Variants in SMURF1 observed in about 807,000 individuals in gnomAD.
The protein encoded by SMURF1 is SMAD specific E3 ubiquitin protein ligase 1, also known as E3 ubiquitin-protein ligase SMURF1.
A neutral mutation model predicts 98.0 loss-of-function variants in SMURF1; 44 were observed. The ratio of observed to expected loss-of-function variants is 0.45; its 90% CI spans 0.35 to 0.58. The LOEUF (loss-of-function observed/expected upper bound fraction) is 0.58. Ranked by LOEUF, SMURF1 falls within the 20% of genes least tolerant of loss-of-function variation. SMURF1 has a pLI of 0.00. For missense variants in SMURF1, 687 were observed against 938.4 expected, an observed-to-expected ratio of 0.73 and a Z score of 3.50; for synonymous variants, 396 against 374.9, an observed-to-expected ratio of 1.06 and a Z score of -0.65.
At chr7:99,136,006 A>C (rs1479335239) in intron 1 of SMURF1, among the ~76,000 whole-genome samples, 1 of 152,234 alleles carries the variant, frequency 6.6e-6, no homozygotes, top group African/African-American at 2.4e-5. Context: ...CTGATTATCA[A>C]TTAAAAATAA....
intron 1 of SMURF1, among the ~76,000 whole-genome samples, chr7:99,136,302 G>C (rs368119384): frequency 2.6e-5 from 4 of 152,150 alleles, no homozygotes; most frequent in Admixed American, 1.3e-4. Flanking sequence ...TTGCCTATTA[G>C]GTACTGGCCT....
intron 15 of SMURF1, 106 bp downstream of exon 15, chr7:99,036,961 G>T (rs1275196007): frequency 4.5e-6 from 7 of 1,552,880 alleles, no homozygotes; most frequent in African/African-American, 1.4e-5. Flanking sequence ...GCAGCTCCTA[G>T]GCTTACTAGA....
At chr7:99,035,312 G>T in intron 16 of SMURF1, 1 of 636,070 alleles carries the variant, frequency 1.6e-6, no homozygotes, top group Non-Finnish European at 2.7e-6. Flanking sequence ...CACAGTCTTT[G>T]CTCAGCGGGG....
chr7:99,055,944 C>T (rs1584464363), intron 5 of SMURF1, among the ~76,000 whole-genome samples: 1 of 151,838 alleles, frequency 6.6e-6, no homozygotes, highest in South Asian at 2.1e-4. Context: ...CCAGCCTGGG[C>T]GACAGAGCAA....
At chr7:99,048,250 G>A (rs1795645989) in intron 9 of SMURF1, 1 of 231,816 alleles carries the variant, frequency 4.3e-6, no homozygotes, top group Non-Finnish European at 8.7e-6. Flanking sequence ...TTAGCCAGGT[G>A]TGGTGGTGGG....
At chr7:99,141,766 T>C (rs1798122341) in intron 1 of SMURF1, among the ~76,000 whole-genome samples, 1 of 152,206 alleles carries the variant, frequency 6.6e-6, no homozygotes, top group Admixed American at 6.5e-5. Flanking sequence ...ATTGTTTGCA[T>C]GGATTTTACC....
intron 1 of SMURF1, among the ~76,000 whole-genome samples, chr7:99,127,342 G>C (rs984285922): frequency 2.0e-5 from 3 of 152,010 alleles, no homozygotes; most frequent in Non-Finnish European, 4.4e-5. Context: ...GGGAGGGAGT[G>C]AGAAAAGGAA....
At chr7:99,092,894 G>C (rs571165001) in intron 1 of SMURF1, among the ~76,000 whole-genome samples, 2 of 152,176 alleles carry the variant, frequency 1.3e-5, no homozygotes, top group African/African-American at 4.8e-5. Flanking sequence ...CTCTGGGAAC[G>C]ATGGTTCAGG....
intron 3 of SMURF1, among the ~76,000 whole-genome samples, chr7:99,058,755 T>C (rs1795947479): frequency 6.6e-6 from 1 of 152,150 alleles, no homozygotes; most frequent in Non-Finnish European, 1.5e-5. Flanking sequence ...TTGATGAAAA[T>C]ATCTTAGTAG....
intron 1 of SMURF1, among the ~76,000 whole-genome samples, chr7:99,072,460 G>A (rs1584146106): frequency 6.6e-6 from 1 of 151,942 alleles, no homozygotes; most frequent in Non-Finnish European, 1.5e-5. Flanking sequence ...CCTGACCAAC[G>A]CAGTGAAACC....
At chr7:99,033,230 C>T in intron 16 of SMURF1, 109 bp from the exon 17 acceptor site, 1 of 1,087,250 alleles carries the variant, frequency 9.2e-7, no homozygotes, top group South Asian at 1.4e-5. Context: ...CCCCCACACC[C>T]AGGCAGGCTG....
intron 1 of SMURF1, among the ~76,000 whole-genome samples, chr7:99,082,320 CTTTG>C (rs1259889656): frequency 1.3e-5 from 2 of 152,254 alleles, no homozygotes; most frequent in South Asian, 2.1e-4. Flanking sequence ...GTTGCCTGTG[CTTTG>C]TTTGTCATAT....
At chr7:99,076,884 T>C (rs574961587) in intron 1 of SMURF1, among the ~76,000 whole-genome samples, 7 of 152,206 alleles carry the variant, frequency 4.6e-5, no homozygotes, top group Non-Finnish European at 1.0e-4. Context: ...TGCATGTGTG[T>C]GCACGTGTGT....
rs368273999 is a variant in SMURF1 at position 99,051,406 on chromosome 7, A to T, written c.757T>A (p.Leu253Met). The stretch of plus-strand genomic sequence containing the variant: ...GTGCTAACTCCAGTCTGTGTATGCA[A>T]AAAGTAAACTTGGCCCTGGACTGTT... ...RTTVQGQVYF[L>M]HTQTGVSTWH... Residue 253 changes from leucine to methionine, a missense_variant, in exon 8 of 18, where the codon TTG becomes ATG. Leu to Met is a conservative substitution (Grantham distance 15). Transcript: ENST00000361368. 1.2e-6 allele frequency: 2 copies of T among 1,614,190 alleles called. No individual in the cohort carries two copies. The highest frequency in any genetic ancestry group is 4.5e-5 in the East Asian group (2 of 44,876).
intron 16 of SMURF1, 42 bp from the exon 17 acceptor site, chr7:99,033,163 G>A: frequency 6.5e-7 from 1 of 1,543,794 alleles, no homozygotes. Flanking sequence ...CAGAGTTACA[G>A]CCGTGGCGCT....
chr7:99,036,715 A>C (rs1795160050), intron 15 of SMURF1, among the ~76,000 whole-genome samples: 1 of 152,152 alleles, frequency 6.6e-6, no homozygotes. Context: ...AGCCAGAATA[A>C]AAAGCAGTAA....
Position 99,057,602 on chromosome 7 carries a change from T to G in SMURF1, c.204-51A>C, listed in dbSNP as rs755233545. The G allele has an allele frequency of 7.1e-4, 952 of 1,348,302 alleles. 6 individuals are homozygous for G. The African/African-American group carries it at 0.024, about 34-fold the overall frequency. 83.5% of individuals were successfully genotyped at this position (1,348,302 alleles called of 1,614,324 possible). ...TTTAATTGTGTTTGGTTTTTTTTGT[T>G]TTGTTTTTTTTTTTTTTTGAGATAG... On this transcript the variant is annotated intron_variant, in intron 3 of 17. Coordinates refer to ENST00000361368, the MANE Select transcript of SMURF1 (RefSeq NM_181349.3).
chr7:99,032,570 G>A (rs892789292), intron 17 of SMURF1, among the ~76,000 whole-genome samples: 1 of 152,224 alleles, frequency 6.6e-6, no homozygotes, highest in Non-Finnish European at 1.5e-5. Flanking sequence ...TCAGGAGGCT[G>A]AGGCATGAGA....
chr7:99,091,910 C>T (rs1796822379), intron 1 of SMURF1, among the ~76,000 whole-genome samples: 1 of 152,078 alleles, frequency 6.6e-6, no homozygotes, highest in African/African-American at 2.4e-5. Flanking sequence ...GACCTGAAGC[C>T]AGACATAATC....
Sources: gnomAD v4.1 joint callset for allele counts (sites outside exome capture counted in the v4.1 genomes callset) on GRCh38, gnomAD v4.1.1 for gene constraint, MANE v1.5 for transcripts, NCBI Gene and HGNC (gene_info 2026-07-23, HGNC 2026-07-21) for gene names.